Variants in DCHS2 observed in about 807,000 individuals in gnomAD.
DCHS2 encodes dachsous cadherin-related 2.
DCHS2 carries 142 observed loss-of-function variants against 182.4 expected under a neutral mutation model. The ratio of observed to expected loss-of-function variants is 0.78; its 90% CI spans 0.68 to 0.89. The LOEUF (loss-of-function observed/expected upper bound fraction) is 0.89. DCHS2 is among the 40% of genes least tolerant of loss of function. The pLI, the probability that DCHS2 is intolerant of heterozygous loss-of-function variation, is 0.00. For missense variants in DCHS2, 4,319 were observed against 4,198.6 expected (o/e 1.03, Z -0.79); for synonymous variants, 1,740 against 1,663.3 (o/e 1.05, Z -1.12).
chr4:154,472,792 A>ACACATT (rs567867916), intron 1 of DCHS2, among the ~76,000 whole-genome samples: 5 of 152,078 alleles, frequency 3.3e-5, no homozygotes, highest in Non-Finnish European at 7.4e-5. Flanking sequence ...ACCCACACAT[A>ACACATT]CACATTCACA....
At position 154,490,455 on chromosome 4, in the gene DCHS2, A is replaced by G. The variant is rs755226601; in HGVS notation, c.901T>C (p.Tyr301His). 683 of 1,536,358 alleles carry G rather than the reference A, an allele frequency of 4.4e-4. 1 individual carries two copies. Among genetic ancestry groups the G allele is most frequent in the Non-Finnish European group, 5.7e-4 (654 of 1,146,378 alleles). Residue 301 changes from tyrosine (Y) to histidine (H), a missense_variant, in exon 1 of 20, where the codon TAC (tyrosine) becomes CAC (histidine). Tyr to His is a moderately conservative substitution (Grantham distance 83). Transcript: ENST00000357232. ...DNPPVFEQDE[Y>H]RAAVREDAQP... ...GCGTCCTCGCGCACCGCGGCGCGGT[A>G]CTCGTCCTGCTCAAAGACCGGCGGG...
intron 1 of DCHS2, among the ~76,000 whole-genome samples, chr4:154,383,249 T>C (rs1020206737): frequency 1.3e-5 from 2 of 152,038 alleles, no homozygotes; most frequent in African/African-American, 4.8e-5. Context: ...GAAAACCAAA[T>C]ACTGCAGTTC....
At chr4:154,476,327 G>C (rs938101631) in intron 1 of DCHS2, among the ~76,000 whole-genome samples, 1 of 152,176 alleles carries the variant, frequency 6.6e-6, no homozygotes, top group Non-Finnish European at 1.5e-5. Flanking sequence ...AAAATTCATA[G>C]CTTCATATTC....
chr4:154,239,444 T>C, intron 18 of DCHS2, 142 bp from the exon 19 acceptor site: 1 of 1,286,684 alleles, frequency 7.8e-7, no homozygotes, highest in Non-Finnish European at 1.1e-6. Context: ...GACATATTAA[T>C]TTATGGAATT....
chr4:154,327,224 G>A (rs1014579861), intron 7 of DCHS2, among the ~76,000 whole-genome samples: 10 of 152,140 alleles, frequency 6.6e-5, no homozygotes, highest in Non-Finnish European at 1.5e-4. Context: ...GGCTATGCAA[G>A]TAAAACACCG....
chr4:154,239,783 A>G (rs1327544760), intron 18 of DCHS2, among the ~76,000 whole-genome samples: 1 of 152,230 alleles, frequency 6.6e-6, no homozygotes, highest in Admixed American at 6.5e-5. Flanking sequence ...TGCTGGGATT[A>G]CAGGTATGAG....
chr4:154,422,349 T>C (rs1029055039), intron 1 of DCHS2, among the ~76,000 whole-genome samples: 4 of 152,172 alleles, frequency 2.6e-5, no homozygotes, highest in Non-Finnish European at 5.9e-5. Context: ...TCAAACTCAA[T>C]ATGAACTCAT....
chr4:154,433,523 T>C (rs1733651167), intron 1 of DCHS2, among the ~76,000 whole-genome samples: 1 of 150,316 alleles, frequency 6.7e-6, no homozygotes. Flanking sequence ...GCCTCCCAAG[T>C]AGCTGGGCCT....
chr4:154,298,252 G>T lies in DCHS2; in HGVS notation c.6062C>A (p.Thr2021Asn), dbSNP rs756685304. Residue 2021 changes from threonine (T) to asparagine (N), a missense_variant, in exon 13 of 20, where the codon ACT becomes AAT. Thr to Asn is a moderately conservative substitution (Grantham distance 65). Coordinates refer to ENST00000357232, the MANE Select transcript of DCHS2 (RefSeq NM_001358235.2). ...AGTGACATATACTTTTATAATTACA[G>T]TGGTGCTTCGTGAACCCTGGATGCT... ...DCSIQGSRST[T>N]VIIKVYVTDV... 6 of 1,614,164 alleles carry T rather than the reference G, an allele frequency of 3.7e-6. No homozygotes were observed. Among genetic ancestry groups the T allele is most frequent in the Non-Finnish European group, 5.1e-6 (6 of 1,180,020 alleles).
chr4:154,297,733 G>T, intron 13 of DCHS2, 118 bp downstream of exon 13: 1 of 1,447,616 alleles, frequency 6.9e-7, no homozygotes, highest in Non-Finnish European at 9.2e-7. Flanking sequence ...TCAAGAACAG[G>T]CATTGAACTA....
At chr4:154,427,232 T>C (rs1733368051) in intron 1 of DCHS2, among the ~76,000 whole-genome samples, 1 of 152,150 alleles carries the variant, frequency 6.6e-6, no homozygotes, top group Non-Finnish European at 1.5e-5. Context: ...CCTTACATAT[T>C]TTAAGTTCAG....
intron 2 of DCHS2, among the ~76,000 whole-genome samples, chr4:154,375,616 C>A (rs993329495): frequency 6.6e-6 from 1 of 151,454 alleles, no homozygotes. Context: ...AAAGTAAAAC[C>A]CCAGTGTGAT....
At chr4:154,366,156 A>T in intron 3 of DCHS2, 54 bp downstream of exon 3, 2 of 1,416,616 alleles carry the variant, frequency 1.4e-6, no homozygotes, top group Non-Finnish European at 2.0e-6. Context: ...GCTGTTAAGT[A>T]GTTAAGCAGA....
intron 1 of DCHS2, among the ~76,000 whole-genome samples, chr4:154,473,353 G>T (rs1449047247): frequency 6.6e-6 from 1 of 152,200 alleles, no homozygotes; most frequent in Non-Finnish European, 1.5e-5. Flanking sequence ...TATCTGGTTG[G>T]TCATTCGGTC....
intron 14 of DCHS2, among the ~76,000 whole-genome samples, chr4:154,265,004 G>T (rs1733170876): frequency 6.6e-6 from 1 of 152,096 alleles, no homozygotes; most frequent in Non-Finnish European, 1.5e-5. Context: ...ATTAATGTTG[G>T]ACTTTATATA....
At chr4:154,486,547 G>A in intron 1 of DCHS2, 7 of 1,302,540 alleles carry the variant, frequency 5.4e-6, no homozygotes, top group Non-Finnish European at 7.1e-6. Flanking sequence ...CTTGTAGATG[G>A]CAACAGAAAG....
intron 1 of DCHS2, among the ~76,000 whole-genome samples, chr4:154,414,548 C>T (rs1477380930): frequency 1.4e-5 from 2 of 139,718 alleles, no homozygotes; most frequent in South Asian, 2.2e-4. Context: ...AAAATTAGGC[C>T]GTAATTCAAG....
At chr4:154,341,255 G>C (rs1221274216) in intron 3 of DCHS2, among the ~76,000 whole-genome samples, 2 of 151,558 alleles carry the variant, frequency 1.3e-5, no homozygotes, top group Admixed American at 6.6e-5. Flanking sequence ...TGCAGACCCA[G>C]CTATTTGGGA....
chr4:154,440,030 T>G (rs1251633464), intron 1 of DCHS2, among the ~76,000 whole-genome samples: 2 of 152,252 alleles, frequency 1.3e-5, no homozygotes, highest in Non-Finnish European at 2.9e-5. Context: ...GTCATCTATT[T>G]ATTGAATTCT....
Sources: gnomAD v4.1 joint callset for allele counts (sites outside exome capture counted in the v4.1 genomes callset) on GRCh38, gnomAD v4.1.1 for gene constraint, MANE v1.5 for transcripts, NCBI Gene and HGNC (gene_info 2026-07-23, HGNC 2026-07-21) for gene names.